Variants in ERI3 observed in about 807,000 individuals in gnomAD.
ERI3 encodes ERI1 exoribonuclease 3.
A neutral mutation model predicts 44.4 loss-of-function variants in ERI3; 18 were observed. The ratio of observed to expected loss-of-function variants is 0.41; its 90% CI spans 0.28 to 0.60. The LOEUF is 0.60. ERI3 is among the 20% of genes least tolerant of loss of function. ERI3 has a pLI of 0.36. For synonymous variants in ERI3, 183 were observed against 164.8 expected, an observed-to-expected ratio of 1.11 and a Z score of -0.84; for missense variants, 294 against 435.5, an observed-to-expected ratio of 0.68 and a Z score of 2.89.
chr1:44,301,477 A>T (rs1348986190), intron 6 of ERI3, among the ~76,000 whole-genome samples: 1 of 152,218 alleles, frequency 6.6e-6, no homozygotes, highest in East Asian at 1.9e-4. Context: ...TCCTTACCTC[A>T]GAGAAGGAGG....
At chr1:44,296,120 A>G (rs1039909637) in intron 6 of ERI3, among the ~76,000 whole-genome samples, 1 of 152,128 alleles carries the variant, frequency 6.6e-6, no homozygotes, top group African/African-American at 2.4e-5. Context: ...GGTAGCAATG[A>G]GCTCTCTTCT....
rs1646598499 is a variant in ERI3 at position 44,339,248 on chromosome 1, A to G, written c.286T>C (p.Ser96Pro). ...GAGCCCAGCACTTTTCTTGCTCTTG[A>G]AAGTAAATACGAAGAAAATCGAGCT... ...GAARFSSYLL[S>P]RARKVLGSHL... Residue 96 changes from serine (S) to proline (P), a missense_variant, in exon 3 of 9, where the codon TCA becomes CCA. Physicochemically the swap from Ser to Pro is moderately conservative, Grantham distance 74. Coordinates refer to ENST00000372257, the MANE Select transcript of ERI3 (RefSeq NM_024066.3). 1 of 1,613,802 alleles carries G rather than the reference A, an allele frequency of 6.2e-7. No homozygotes were observed. Among genetic ancestry groups the G allele is most frequent in the Non-Finnish European group, 8.5e-7 (1 of 1,179,982 alleles).
chr1:44,342,893 A>C (rs1646713635), intron 2 of ERI3, among the ~76,000 whole-genome samples: 1 of 83,780 alleles, frequency 1.2e-5, no homozygotes, highest in South Asian at 4.5e-4. Flanking sequence ...TTTTTTGTAG[A>C]GATAAGAGTC....
At chr1:44,247,723 C>T (rs1368617811) in intron 8 of ERI3, among the ~76,000 whole-genome samples, 1 of 152,148 alleles carries the variant, frequency 6.6e-6, no homozygotes, top group Non-Finnish European at 1.5e-5. Flanking sequence ...GCCCAGACCC[C>T]AGCCTCCTCC....
At chr1:44,236,776 G>A (rs949304863) in intron 8 of ERI3, among the ~76,000 whole-genome samples, 6 of 152,144 alleles carry the variant, frequency 3.9e-5, no homozygotes, top group African/African-American at 1.4e-4. Flanking sequence ...AAGGCTCAGA[G>A]TGGGGACACT....
chr1:44,227,477 C>T (rs1442811046), intron 8 of ERI3, among the ~76,000 whole-genome samples: 1 of 152,144 alleles, frequency 6.6e-6, no homozygotes, highest in Non-Finnish European at 1.5e-5. Flanking sequence ...GAGCAAAGTG[C>T]CAGTGCCTAG....
At chr1:44,279,518 G>T (rs1371387374) in intron 7 of ERI3, among the ~76,000 whole-genome samples, 1 of 152,114 alleles carries the variant, frequency 6.6e-6, no homozygotes, top group South Asian at 2.1e-4. Flanking sequence ...AAGCCACCAT[G>T]CCTGGTCTTC....
chr1:44,247,495 A>C (rs1311355904), intron 8 of ERI3, among the ~76,000 whole-genome samples: 2 of 152,168 alleles, frequency 1.3e-5, no homozygotes, highest in Non-Finnish European at 2.9e-5. Flanking sequence ...CCGACTAATT[A>C]AAAGCTGGTG....
chr1:44,223,191 T>C (rs964184113), intron 8 of ERI3, among the ~76,000 whole-genome samples: 3 of 152,088 alleles, frequency 2.0e-5, no homozygotes, highest in Admixed American at 6.5e-5. Context: ...GATGGGTGGG[T>C]AGTGGCGACC....
chr1:44,338,002 C>T (rs1409461987), intron 3 of ERI3, among the ~76,000 whole-genome samples: 1 of 152,190 alleles, frequency 6.6e-6, no homozygotes, highest in Admixed American at 6.5e-5. Flanking sequence ...ACTGCTACAT[C>T]AGCCCCCAAT....
At chr1:44,239,979 C>T (rs1228074733) in intron 8 of ERI3, among the ~76,000 whole-genome samples, 1 of 152,248 alleles carries the variant, frequency 6.6e-6, no homozygotes, top group African/African-American at 2.4e-5. Flanking sequence ...GACAAGCTCC[C>T]CTTGCACACG....
At chr1:44,300,614 G>C (rs969766987) in intron 6 of ERI3, among the ~76,000 whole-genome samples, 1 of 152,200 alleles carries the variant, frequency 6.6e-6, no homozygotes, top group African/African-American at 2.4e-5. Flanking sequence ...AACCAGAAGA[G>C]ATGCTTTGGC....
intron 7 of ERI3, among the ~76,000 whole-genome samples, chr1:44,274,454 G>A (rs907416921): frequency 6.6e-6 from 1 of 152,200 alleles, no homozygotes; most frequent in Admixed American, 6.5e-5. Flanking sequence ...GAGGGAAGGA[G>A]TGAAAGAAAT....
At chr1:44,351,899 C>A (rs531707370) in intron 2 of ERI3, among the ~76,000 whole-genome samples, 29 of 152,164 alleles carry the variant, frequency 1.9e-4, no homozygotes, top group African/African-American at 6.7e-4. Flanking sequence ...TTTACTTCCT[C>A]TGAGAGGCCT....
At chr1:44,350,854 G>C (rs1241326823) in intron 2 of ERI3, among the ~76,000 whole-genome samples, 1 of 152,110 alleles carries the variant, frequency 6.6e-6, no homozygotes, top group Admixed American at 6.6e-5. Flanking sequence ...CCAAAGTGCT[G>C]AGATTATAGG....
intron 7 of ERI3, among the ~76,000 whole-genome samples, chr1:44,265,630 T>A (rs1644976348): frequency 6.6e-6 from 1 of 151,012 alleles, no homozygotes; most frequent in South Asian, 2.1e-4. Context: ...ACAACCCAAA[T>A]ATTGATCACC....
chr1:44,250,688 C>A (rs1644660157), intron 7 of ERI3, among the ~76,000 whole-genome samples: 1 of 152,122 alleles, frequency 6.6e-6, no homozygotes, highest in Non-Finnish European at 1.5e-5. Flanking sequence ...GGCGTGATAA[C>A]CAATTGCTGC....
chr1:44,269,015 C>T (rs1157273791), intron 7 of ERI3, among the ~76,000 whole-genome samples: 1 of 152,208 alleles, frequency 6.6e-6, no homozygotes, highest in Non-Finnish European at 1.5e-5. Context: ...GTCCTGATGC[C>T]AAGCAATGCC....
chr1:44,342,324 A>G (rs1557866905), intron 2 of ERI3, among the ~76,000 whole-genome samples: 1 of 152,166 alleles, frequency 6.6e-6, no homozygotes, highest in Non-Finnish European at 1.5e-5. Context: ...TGAAGGGTAA[A>G]GGGCAGTGGC....
Sources: gnomAD v4.1 joint callset for allele counts (sites outside exome capture counted in the v4.1 genomes callset) on GRCh38, gnomAD v4.1.1 for gene constraint, MANE v1.5 for transcripts, NCBI Gene and HGNC (gene_info 2026-07-23, HGNC 2026-07-21) for gene names.